Variants in SCAPER observed in about 807,000 individuals in gnomAD.
SCAPER encodes the protein S phase cyclin A-associated protein in the endoplasmic reticulum.
Under a neutral mutation model 182.2 loss-of-function variants are expected in SCAPER, and 98 were observed. That is an observed-to-expected ratio of 0.54 (90% CI 0.46 to 0.64). The LOEUF is 0.64. Among genes scored for constraint, SCAPER ranks in the 30% least tolerant of loss-of-function variants. The pLI, the probability that SCAPER is intolerant of heterozygous loss-of-function variation, is 0.00. For synonymous variants in SCAPER, 605 were observed against 564.6 expected (o/e 1.07, Z -1.01); for missense variants, 1,432 against 1,690.0 (o/e 0.85, Z 2.68).
At chr15:76,604,064 A>G (rs2050142098) in intron 22 of SCAPER, among the ~76,000 whole-genome samples, 1 of 119,796 alleles carries the variant, frequency 8.3e-6, no homozygotes, top group Non-Finnish European at 2.0e-5. Flanking sequence ...TTTTGTTGCC[A>G]TTGCTTTTGG....
chr15:76,550,621 T>C (rs2045684177), intron 23 of SCAPER, among the ~76,000 whole-genome samples: 1 of 151,976 alleles, frequency 6.6e-6, no homozygotes, highest in East Asian at 1.9e-4. Flanking sequence ...TGATTCCGTA[T>C]CTTTTTTATT....
Position 76,798,238 on chromosome 15 carries a change from T to C in SCAPER, c.611+2010A>G, listed in dbSNP as rs992101747. ...AGCTGGGCATGGTGGCATGCGCCTA[T>C]AATTCCAGCTACTCAGGAGGCTAAG... On this transcript the variant is annotated intron_variant, in intron 7 of 31. Transcript: ENST00000563290. Among the ~76,000 whole-genome samples, 5 of 151,758 alleles carry C rather than the reference T, an allele frequency of 3.3e-5. No individual in the cohort carries two copies. The East Asian group carries it at 5.8e-4, about 18-fold the overall frequency.
At chr15:76,702,148 G>A (rs1200391851) in intron 19 of SCAPER, among the ~76,000 whole-genome samples, 1 of 151,256 alleles carries the variant, frequency 6.6e-6, no homozygotes, top group Non-Finnish European at 1.5e-5. Context: ...GGGTGACAAA[G>A]CGATACTCCA....
intron 21 of SCAPER, among the ~76,000 whole-genome samples, chr15:76,655,748 G>A (rs1038558658): frequency 9.9e-5 from 15 of 152,174 alleles, no homozygotes; most frequent in African/African-American, 2.4e-4. Context: ...GAGATTGGAC[G>A]CTTATATTCA....
At chr15:76,370,303 T>G (rs1048018654) in intron 29 of SCAPER, among the ~76,000 whole-genome samples, 4 of 139,014 alleles carry the variant, frequency 2.9e-5, no homozygotes, top group Admixed American at 1.4e-4. Context: ...TTTTTTTTTT[T>G]TTTTTTTTTT....
intron 17 of SCAPER, among the ~76,000 whole-genome samples, chr15:76,711,178 T>C (rs1433852802): frequency 6.6e-6 from 1 of 152,156 alleles, no homozygotes; most frequent in Non-Finnish European, 1.5e-5. Flanking sequence ...CCATTGTATA[T>C]AAAATGAAAA....
chr15:76,649,209 C>G (rs2054806406), intron 21 of SCAPER, among the ~76,000 whole-genome samples: 1 of 152,122 alleles, frequency 6.6e-6, no homozygotes, highest in Non-Finnish European at 1.5e-5. Context: ...CATGAGGCAA[C>G]AAGCCTCGAG....
chr15:76,661,513 G>A (rs923202881), intron 21 of SCAPER, among the ~76,000 whole-genome samples: 1 of 152,024 alleles, frequency 6.6e-6, no homozygotes, highest in Non-Finnish European at 1.5e-5. Flanking sequence ...CAAAAAGTGG[G>A]CCAAGGACAT....
chr15:76,763,509 T>C (rs2062924243), intron 14 of SCAPER, among the ~76,000 whole-genome samples: 2 of 150,810 alleles, frequency 1.3e-5, no homozygotes, highest in Admixed American at 6.7e-5. Flanking sequence ...TCTGGATATC[T>C]GTTTTGTTCT....
chr15:76,550,638 A>G (rs2045685826), intron 23 of SCAPER, among the ~76,000 whole-genome samples: 1 of 152,196 alleles, frequency 6.6e-6, no homozygotes, highest in African/African-American at 2.4e-5. Flanking sequence ...TATTGCAAAT[A>G]ATGCTGCAAT....
At chr15:76,661,798 A>G (rs1228939447) in intron 21 of SCAPER, among the ~76,000 whole-genome samples, 1 of 152,250 alleles carries the variant, frequency 6.6e-6, no homozygotes, top group South Asian at 2.1e-4. Flanking sequence ...CTAGAACCAG[A>G]AACACCATTT....
At chr15:76,533,933 T>C (rs2043901857) in intron 23 of SCAPER, among the ~76,000 whole-genome samples, 1 of 152,236 alleles carries the variant, frequency 6.6e-6, no homozygotes, top group African/African-American at 2.4e-5. Flanking sequence ...TTAGTAAAAT[T>C]ACCATTTCCA....
At chr15:76,682,264 T>TCCCCCCCCCCCCC (rs573661987) in intron 20 of SCAPER, among the ~76,000 whole-genome samples, 4 of 130,516 alleles carry the variant, frequency 3.1e-5, no homozygotes, top group Non-Finnish European at 6.5e-5. Context: ...TCACCTCCCT[T>TCCCCCCCCCCCCC]CCCCCCCCCA....
intron 21 of SCAPER, among the ~76,000 whole-genome samples, chr15:76,644,034 C>G (rs1431509135): frequency 6.6e-6 from 1 of 152,140 alleles, no homozygotes; most frequent in Non-Finnish European, 1.5e-5. Context: ...TAATTATTAT[C>G]AACTCAAAGA....
In SCAPER at chr15:76,594,975, C is replaced by T. The variant is rs1323687948; in HGVS notation, c.2712-20691G>A. Among the ~76,000 whole-genome samples the T allele has an allele frequency of 4.1e-5, 5 of 121,344 alleles. 1 individual carries two copies. Among genetic ancestry groups the T allele is most frequent in the African/African-American group, 1.3e-4 (5 of 39,658 alleles). The allele number at this position is 121,344 out of a possible 152,430, so 79.6% of individuals were successfully genotyped here. A position where few individuals can be genotyped will look rare whatever the true frequency, so the allele number is the denominator to read the frequency against. Reference sequence around the variant, plus strand: ...ATGACAGGATGAAATTCACACATAACAATATTAACCTTAAACGTAAATGGG... The same window carrying T: ...ATGACAGGATGAAATTCACACATAATAATATTAACCTTAAACGTAAATGGG... On this transcript the variant is annotated intron_variant, in intron 22 of 31. Coordinates refer to ENST00000563290, the MANE Select transcript of SCAPER (RefSeq NM_020843.4).
chr15:76,800,605 A>C (rs973078826), intron 6 of SCAPER, among the ~76,000 whole-genome samples: 2 of 152,186 alleles, frequency 1.3e-5, no homozygotes, highest in African/African-American at 2.4e-5. Context: ...GCACAGCAAC[A>C]CTACTCCAAT....
intron 20 of SCAPER, among the ~76,000 whole-genome samples, chr15:76,687,213 G>T (rs117716290): frequency 6.6e-6 from 1 of 151,616 alleles, no homozygotes; most frequent in African/African-American, 2.4e-5. Flanking sequence ...AAAACCAATC[G>T]GATAAAAAAG....
In SCAPER at chr15:76,673,950, TATACAC is replaced by T. The variant is rs773796786; in HGVS notation, c.2509-8167_2509-8162del. ...TAAATCCATCAATTCATAATTTATC[TATACAC>T]ACACACACACACACACACACACACA... On this transcript the variant is annotated intron_variant, in intron 20 of 31. Coordinates refer to ENST00000563290, the MANE Select transcript of SCAPER (RefSeq NM_020843.4). Among the ~76,000 whole-genome samples the T allele has an allele frequency of 2.2e-3, 170 of 77,058 alleles. 4 individuals carry two copies. The East Asian group carries it at 0.055, about 25-fold the overall frequency. The allele number at this position is 77,058 out of a possible 152,430, so 50.6% of individuals were successfully genotyped here.
chr15:76,859,349 A>G (rs933626182), intron 3 of SCAPER, among the ~76,000 whole-genome samples: 1 of 152,232 alleles, frequency 6.6e-6, no homozygotes, highest in Non-Finnish European at 1.5e-5. Flanking sequence ...TCCTTTAATT[A>G]TAAAAAACAA....
Sources: allele counts gnomAD v4.1 joint callset (sites outside exome capture counted in the v4.1 genomes callset), GRCh38; gene constraint gnomAD v4.1.1; transcripts MANE v1.5; gene names NCBI Gene and HGNC (gene_info 2026-07-23, HGNC 2026-07-21).